The following FBXW2 variants were observed in gnomAD, a reference collection of about 807,000 sequenced individuals.
The protein encoded by FBXW2 is F-box/WD repeat-containing protein 2.
FBXW2 carries 12 observed loss-of-function variants against 46.0 expected under a neutral mutation model. The ratio of observed to expected loss-of-function variants is 0.26; its 90% CI spans 0.17 to 0.42. The LOEUF (loss-of-function observed/expected upper bound fraction) is 0.42, where lower values mean the gene tolerates loss of function less well. Ranked by LOEUF, FBXW2 falls within the 10% of genes least tolerant of loss-of-function variation. FBXW2 has a pLI of 1.00. For synonymous variants in FBXW2, 203 were observed against 209.6 expected, an observed-to-expected ratio of 0.97 and a Z score of 0.27; for missense variants, 360 against 537.0, an observed-to-expected ratio of 0.67 and a Z score of 3.26.
chr9:120,791,317 C>T (rs1360756815), intron 2 of FBXW2, among the ~76,000 whole-genome samples: 1 of 152,180 alleles, frequency 6.6e-6, no homozygotes, highest in Non-Finnish European at 1.5e-5. Context: ...CCCATTACCA[C>T]GAACAGTCAA....
At chr9:120,784,919 C>CAA (rs764551899) in intron 3 of FBXW2, among the ~76,000 whole-genome samples, 4 of 67,912 alleles carry the variant, frequency 5.9e-5, no homozygotes, top group Non-Finnish European at 6.1e-5. Context: ...GCTCCTGTTT[C>CAA]AAAAAAAAAA....
chr9:120,792,936 T>A, intron 2 of FBXW2: 1 of 1,532,394 alleles, frequency 6.5e-7, no homozygotes, highest in South Asian at 1.2e-5. Context: ...CGCTTTGTAC[T>A]TCATAAACCA....
Position 120,760,076 on chromosome 9 carries a change from G to A in FBXW2, c.*4483C>T, listed in dbSNP as rs2044174221. 6.6e-6 allele frequency: 1 copy of A among 152,214 alleles called. No individual in the cohort carries two copies. Among genetic ancestry groups the A allele is most frequent in the Non-Finnish European group, 1.5e-5 (1 of 68,054 alleles). The allele number at this position is 152,214 out of a possible 1,614,324, so 9.4% of individuals were successfully genotyped here. ...ATCTGTTCTTTTCATCAGACATTCT[G>A]AGGACAGCATAATTCTCAAGTGTCT... On this transcript the variant is annotated 3_prime_UTR_variant, in exon 8 of 8. Coordinates refer to ENST00000608872, the MANE Select transcript of FBXW2 (RefSeq NM_012164.4).
chr9:120,784,342 T>A (rs570519225), intron 3 of FBXW2, among the ~76,000 whole-genome samples: 1 of 152,168 alleles, frequency 6.6e-6, no homozygotes, highest in African/African-American at 2.4e-5. Context: ...CTAGGCATAG[T>A]GGCTCACACC....
intron 6 of FBXW2, among the ~76,000 whole-genome samples, chr9:120,771,891 T>A (rs35569834): frequency 0.011 from 1,670 of 151,548 alleles, 15 homozygotes; most frequent in Non-Finnish European, 0.014. Flanking sequence ...AAACCCTGTC[T>A]CTACTAAAAA....
chr9:120,780,367 A>G (rs2044586172), intron 3 of FBXW2, among the ~76,000 whole-genome samples: 1 of 152,078 alleles, frequency 6.6e-6, no homozygotes, highest in Non-Finnish European at 1.5e-5. Flanking sequence ...AAAAAAAAAA[A>G]AAAGAAAATG....
At chr9:120,765,475 T>G (rs1432003373) in intron 7 of FBXW2, among the ~76,000 whole-genome samples, 1 of 152,150 alleles carries the variant, frequency 6.6e-6, no homozygotes, top group African/African-American at 2.4e-5. Flanking sequence ...AACAATCTAT[T>G]TTTAAGCTGT....
intron 7 of FBXW2, among the ~76,000 whole-genome samples, chr9:120,767,015 C>G (rs1373967472): frequency 6.6e-6 from 1 of 152,148 alleles, no homozygotes; most frequent in African/African-American, 2.4e-5. Context: ...CACAAACACT[C>G]CAATGGATAT....
intron 3 of FBXW2, among the ~76,000 whole-genome samples, chr9:120,784,737 T>C (rs1010804670): frequency 6.6e-6 from 1 of 151,708 alleles, no homozygotes; most frequent in East Asian, 1.9e-4. Flanking sequence ...CTGACCAACA[T>C]GGTGAAACCC....
chr9:120,768,154 A>C (rs1488731065), intron 7 of FBXW2, among the ~76,000 whole-genome samples: 3 of 152,168 alleles, frequency 2.0e-5, no homozygotes, highest in Non-Finnish European at 4.4e-5. Flanking sequence ...CTAGTGTCTC[A>C]GTCTAAAATT....
At chr9:120,778,286 T>C (rs1329844449) in intron 4 of FBXW2, 65 bp downstream of exon 4, 1 of 1,390,858 alleles carries the variant, frequency 7.2e-7, no homozygotes, top group East Asian at 2.3e-5. Context: ...GCATTTCACA[T>C]TCTTGGCTCC....
rs1244427130 is a variant in FBXW2, at chr9:120,757,706, T to TA, written c.*6852dup. The TA allele has an allele frequency of 2.0e-5, 3 of 152,192 alleles. No homozygotes were observed. The highest frequency in any genetic ancestry group is 7.2e-5 in the African/African-American group (3 of 41,444). 9.4% of individuals were successfully genotyped at this position (152,192 alleles called of 1,614,324 possible). A position where few individuals can be genotyped will look rare whatever the true frequency, so the allele number is the denominator to read the frequency against. ...TTTCTCCATAAGTTTTTATTACTGT[T>TA]AGATTATCTTTACCACAGAGAGCAC... On this transcript the variant is annotated 3_prime_UTR_variant, in exon 8 of 8. Coordinates refer to ENST00000608872, the MANE Select transcript of FBXW2 (RefSeq NM_012164.4).
Position 120,793,414 on chromosome 9 carries a change from C to G in FBXW2, c.-190G>C, listed in dbSNP as rs1588057444. On this transcript the variant is annotated 5_prime_UTR_variant, in exon 1 of 8. Coordinates refer to ENST00000608872, the MANE Select transcript of FBXW2 (RefSeq NM_012164.4). ...CACAGGGGAGCGGCTTCCGGTGCTG[C>G]CTGCGTCATCTCCGCGCGTCCCTCA... 2 of 398,570 alleles carry G rather than the reference C, an allele frequency of 5.0e-6. No individual in the cohort carries two copies. The highest frequency in any genetic ancestry group is 8.8e-6 in the Non-Finnish European group (2 of 226,364). The allele number at this position is 398,570 out of a possible 1,614,324, so 24.7% of individuals were successfully genotyped here.
Position 120,776,043 on chromosome 9 carries a change from C to T in FBXW2, c.819+50G>A, listed in dbSNP as rs748563340. 1.9e-6 allele frequency: 3 copies of T among 1,602,092 alleles called. No individual in the cohort carries two copies. The South Asian group carries it at 3.3e-5, about 18-fold the overall frequency. On this transcript the variant is annotated intron_variant, in intron 5 of 7. Coordinates refer to ENST00000608872, the MANE Select transcript of FBXW2 (RefSeq NM_012164.4). ...AGGCAGTGTCTACCATCCTCCACGC[C>T]CTCCCTCAAAAAGCCTGATAAGCAG...
rs1237425789 is a variant in FBXW2, at chr9:120,773,608, G to A, written c.820-768C>T. On this transcript the variant is annotated intron_variant, in intron 5 of 7. Coordinates refer to ENST00000608872, the MANE Select transcript of FBXW2 (RefSeq NM_012164.4). Reference sequence around the variant, plus strand: ...ATAAGTATATAAACATCAGGTTCTAGCTATTTTTGCAATCAATCAGGCTAA... The same window carrying A: ...ATAAGTATATAAACATCAGGTTCTAACTATTTTTGCAATCAATCAGGCTAA... Among the ~76,000 whole-genome samples, 6 of 152,202 alleles carry A rather than the reference G, an allele frequency of 3.9e-5. No homozygotes were observed. The South Asian group carries it at 1.2e-3, about 32-fold the overall frequency.
chr9:120,772,325 T>G (rs754440030), intron 6 of FBXW2, among the ~76,000 whole-genome samples: 1 of 151,870 alleles, frequency 6.6e-6, no homozygotes, highest in Non-Finnish European at 1.5e-5. Flanking sequence ...AACTCCCATC[T>G]CTACTAAAAA....
chr9:120,766,670 G>T (rs1232721765), intron 7 of FBXW2, among the ~76,000 whole-genome samples: 1 of 152,052 alleles, frequency 6.6e-6, no homozygotes, highest in Admixed American at 6.5e-5. Context: ...TTACCATGTT[G>T]GCGAGATGGT....
intron 3 of FBXW2, among the ~76,000 whole-genome samples, chr9:120,781,635 TACACACACACAC>T (rs1161130344): frequency 2.7e-3 from 117 of 43,650 alleles, no homozygotes; most frequent in Admixed American, 4.9e-3. Flanking sequence ...TTTATATACA[TACACACACACAC>T]ACACACACAC....
In FBXW2 at chr9:120,761,831, G is replaced by C. The variant is rs189121277; in HGVS notation, c.*2728C>G. 52 of 151,848 alleles carry C rather than the reference G, an allele frequency of 3.4e-4. No individual in the cohort carries two copies. The highest frequency in any genetic ancestry group is 3.4e-3 in the Middle Eastern group (1 of 294). The allele number at this position is 151,848 out of a possible 1,614,324, so 9.4% of individuals were successfully genotyped here. ...CCTAGGAAAAAAAAAAAATTCCAGC[G>C]GCACCAAGTACCACCTTGATGACTT... On this transcript the variant is annotated 3_prime_UTR_variant, in exon 8 of 8. Transcript: ENST00000608872.
Sources: allele counts gnomAD v4.1 joint callset (sites outside exome capture counted in the v4.1 genomes callset), GRCh38; gene constraint gnomAD v4.1.1; transcripts MANE v1.5; gene names NCBI Gene and HGNC (gene_info 2026-07-23, HGNC 2026-07-21).